The following NTNG1 variants were observed in gnomAD, a reference collection of about 807,000 sequenced individuals.
NTNG1 encodes the protein netrin G1, also known as netrin-G1.
NTNG1 carries 16 observed loss-of-function variants against 54.0 expected under a neutral mutation model. The ratio of observed to expected loss-of-function variants is 0.30; its 90% CI spans 0.20 to 0.45. The LOEUF (loss-of-function observed/expected upper bound fraction) is 0.45. NTNG1 is among the 20% of genes least tolerant of loss of function. The pLI is 1.00. For missense variants in NTNG1, 530 were observed against 678.7 expected, an observed-to-expected ratio of 0.78 and a Z score of 2.43; for synonymous variants, 255 against 263.1, an observed-to-expected ratio of 0.97 and a Z score of 0.30.
chr1:107,287,227 T>C (rs944469152), intron 2 of NTNG1, among the ~76,000 whole-genome samples: 1 of 152,128 alleles, frequency 6.6e-6, no homozygotes, highest in African/African-American at 2.4e-5. Context: ...ATAAATTAGT[T>C]ACTGTATTTT....
intron 2 of NTNG1, among the ~76,000 whole-genome samples, chr1:107,291,429 G>A (rs911592550): frequency 6.6e-6 from 1 of 152,030 alleles, no homozygotes; most frequent in South Asian, 2.1e-4. Context: ...CTGTGCCAGG[G>A]GCTAGCACCC....
chr1:107,380,373 G>A (rs1210975031), intron 3 of NTNG1, among the ~76,000 whole-genome samples: 1 of 152,164 alleles, frequency 6.6e-6, no homozygotes, highest in African/African-American at 2.4e-5. Flanking sequence ...GTGTGGAGAA[G>A]AGCTAAGTCA....
intron 7 of NTNG1, among the ~76,000 whole-genome samples, chr1:107,447,313 AAGTT>A (rs1333339867): frequency 6.6e-6 from 1 of 152,066 alleles, no homozygotes; most frequent in Admixed American, 6.6e-5. Context: ...CAAAAAGACA[AAGTT>A]AGGGAGTTTA....
At chr1:107,258,755 GGA>G (rs1422294546) in intron 2 of NTNG1, among the ~76,000 whole-genome samples, 2 of 152,186 alleles carry the variant, frequency 1.3e-5, no homozygotes, top group Non-Finnish European at 2.9e-5. Context: ...CTTTGACAAG[GGA>G]GAGAGTTCAG....
chr1:107,454,807 G>T (rs1291297786), intron 7 of NTNG1, among the ~76,000 whole-genome samples: 1 of 152,176 alleles, frequency 6.6e-6, no homozygotes, highest in African/African-American at 2.4e-5. Flanking sequence ...TATAATAGAA[G>T]ATACCATTTT....
At chr1:107,338,869 C>CT (rs1476774857) in intron 3 of NTNG1, among the ~76,000 whole-genome samples, 4 of 110,166 alleles carry the variant, frequency 3.6e-5, no homozygotes, top group African/African-American at 1.1e-4. Flanking sequence ...AAGTAAGAAG[C>CT]TTTAAAAAAA....
chr1:107,230,561 A>T (rs1661005648), intron 2 of NTNG1, among the ~76,000 whole-genome samples: 1 of 152,212 alleles, frequency 6.6e-6, no homozygotes, highest in Admixed American at 6.5e-5. Flanking sequence ...CTGTTTCTTT[A>T]CATAGCAGCC....
intron 6 of NTNG1, among the ~76,000 whole-genome samples, chr1:107,436,011 A>C (rs937994734): frequency 6.6e-6 from 1 of 152,208 alleles, no homozygotes; most frequent in Admixed American, 6.5e-5. Flanking sequence ...ATAATGAAAA[A>C]TATACATCTT....
At chr1:107,214,039 T>C (rs1659776474) in intron 2 of NTNG1, among the ~76,000 whole-genome samples, 1 of 152,312 alleles carries the variant, frequency 6.6e-6, no homozygotes, top group African/African-American at 2.4e-5. Context: ...CTCCCATTGA[T>C]AGTTTTAATA....
At chr1:107,350,025 C>G (rs918054814) in intron 3 of NTNG1, among the ~76,000 whole-genome samples, 7 of 152,136 alleles carry the variant, frequency 4.6e-5, no homozygotes, top group South Asian at 2.1e-4. Flanking sequence ...ATATTTTCAA[C>G]AGCAGGTCTA....
At chr1:107,419,946 T>A (rs1207013239) in intron 5 of NTNG1, among the ~76,000 whole-genome samples, 1 of 152,070 alleles carries the variant, frequency 6.6e-6, no homozygotes, top group East Asian at 1.9e-4. Context: ...GAAATACAGA[T>A]CAAGCTTGCC....
chr1:107,291,561 T>G (rs1442866933), intron 2 of NTNG1, among the ~76,000 whole-genome samples: 1 of 152,158 alleles, frequency 6.6e-6, no homozygotes, highest in Non-Finnish European at 1.5e-5. Flanking sequence ...AGGTTAGCAT[T>G]TCACATAAAA....
At chr1:107,419,626 A>C (rs1024795488) in intron 5 of NTNG1, among the ~76,000 whole-genome samples, 2 of 149,198 alleles carry the variant, frequency 1.3e-5, no homozygotes, top group African/African-American at 2.4e-5. Flanking sequence ...CCTTCTTCAA[A>C]AAAAAAAAAA....
Position 107,354,237 on chromosome 1 carries a change from G to A in NTNG1, c.887+29315G>A, listed in dbSNP as rs1327151871. Among the ~76,000 whole-genome samples, 69 of 152,104 alleles carry A rather than the reference G, an allele frequency of 4.5e-4. 2 individuals are homozygous for A. In the East Asian group the frequency reaches 0.012, roughly 26 times the overall value. ...TGTAATCCCAGCACTTTGGGAGGCT[G>A]AAGCGGGCAGATCATGAGGTCAAGA... is the stretch of plus-strand genomic sequence containing the variant. On this transcript the variant is annotated intron_variant, in intron 3 of 7. Transcript: ENST00000370068.
At chr1:107,471,591 T>C (rs76266625) in intron 7 of NTNG1, among the ~76,000 whole-genome samples, 3,214 of 152,304 alleles carry the variant, frequency 0.021, 48 homozygotes, top group Middle Eastern at 0.037. Context: ...GCACATTGAA[T>C]GAGAATATAG....
At chr1:107,466,808 G>C (rs967961584) in intron 7 of NTNG1, among the ~76,000 whole-genome samples, 3 of 152,108 alleles carry the variant, frequency 2.0e-5, no homozygotes, top group South Asian at 4.1e-4. Context: ...TTTTTTGCCA[G>C]ACTCTGATTT....
intron 3 of NTNG1, among the ~76,000 whole-genome samples, chr1:107,335,554 C>T (rs371523076): frequency 2.2e-4 from 33 of 151,686 alleles, no homozygotes; most frequent in East Asian, 9.7e-4. Context: ...ATATTAATAG[C>T]GTGAGGCTAA....
At chr1:107,365,980 A>C (rs1670571811) in intron 3 of NTNG1, among the ~76,000 whole-genome samples, 2 of 152,176 alleles carry the variant, frequency 1.3e-5, no homozygotes. Context: ...GTGTCAAATT[A>C]CCTTCTCTTC....
intron 7 of NTNG1, among the ~76,000 whole-genome samples, chr1:107,459,547 T>C (rs1677152740): frequency 6.6e-6 from 1 of 152,180 alleles, no homozygotes; most frequent in Non-Finnish European, 1.5e-5. Context: ...AAAAAATGTA[T>C]TTTCAATTCA....
Sources: allele counts gnomAD v4.1 joint callset (sites outside exome capture counted in the v4.1 genomes callset), GRCh38; gene constraint gnomAD v4.1.1; transcripts MANE v1.5; gene names NCBI Gene and HGNC (gene_info 2026-07-23, HGNC 2026-07-21).